PPP4R4: variants seen among roughly 807,000 people sequenced by gnomAD.
The protein encoded by PPP4R4 is serine/threonine-protein phosphatase 4 regulatory subunit 4.
A neutral mutation model predicts 121.8 loss-of-function variants in PPP4R4; 70 were observed. The ratio of observed to expected loss-of-function variants is 0.57; its 90% CI spans 0.47 to 0.70. The LOEUF is 0.70. Among genes scored for constraint, PPP4R4 ranks in the 30% least tolerant of loss-of-function variants. PPP4R4 has a pLI of 0.00. For synonymous variants in PPP4R4, 348 were observed against 355.7 expected (o/e 0.98, Z 0.24); for missense variants, 875 against 1,033.6 (o/e 0.85, Z 2.10).
At chr14:94,192,760 TCTC>T (rs1159412817) in intron 2 of PPP4R4, among the ~76,000 whole-genome samples, 1 of 152,200 alleles carries the variant, frequency 6.6e-6, no homozygotes, top group African/African-American at 2.4e-5. Flanking sequence ...CATCTGCTCA[TCTC>T]CTCTCTCTTG....
intron 2 of PPP4R4, among the ~76,000 whole-genome samples, chr14:94,197,039 G>A (rs142757376): frequency 1.2e-4 from 18 of 152,166 alleles, no homozygotes; most frequent in African/African-American, 4.1e-4. Flanking sequence ...GGGCTCTAGA[G>A]CTCCCTTTTT....
At chr14:94,218,464 C>T (rs1390383593) in intron 3 of PPP4R4, among the ~76,000 whole-genome samples, 1 of 117,544 alleles carries the variant, frequency 8.5e-6, no homozygotes, top group Non-Finnish European at 1.7e-5. Context: ...CTAGACACCG[C>T]ACGCGCGCAC....
intron 2 of PPP4R4, among the ~76,000 whole-genome samples, chr14:94,183,898 A>G (rs1889120187): frequency 6.6e-6 from 1 of 151,858 alleles, no homozygotes; most frequent in Non-Finnish European, 1.5e-5. Context: ...ATAAAATAAG[A>G]TAATATATAA....
At chr14:94,183,259 A>G (rs938713455) in intron 2 of PPP4R4, among the ~76,000 whole-genome samples, 2 of 152,130 alleles carry the variant, frequency 1.3e-5, no homozygotes, top group Non-Finnish European at 2.9e-5. Context: ...GGTCCTCATT[A>G]AAAAAATTGC....
intron 11 of PPP4R4, among the ~76,000 whole-genome samples, chr14:94,244,213 C>T (rs563176179): frequency 2.0e-5 from 3 of 152,160 alleles, no homozygotes; most frequent in South Asian, 4.1e-4. Context: ...ATAACTACCC[C>T]GACATCACTG....
In PPP4R4 at chr14:94,231,267, T is replaced by G. The variant is rs749975773; in HGVS notation, c.468T>G (p.Thr156=). ...DTGVSNAWLE[T]LLSVIEVLPK... is the part of the protein sequence containing the mutation. ...GTGTCAGCAATGCATGGCTGGAAAC[T>G]CTTCTGTCTGTTATAGAAGTATTGC... The change falls in exon 5 of 25, where the codon ACT becomes ACG. Residue 156 remains threonine, a synonymous_variant. Transcript: ENST00000304338. 8 of 1,612,510 alleles carry G rather than the reference T, an allele frequency of 5.0e-6. No individual in the cohort carries two copies. In the African/African-American group the frequency reaches 9.3e-5, roughly 19 times the overall value.
chr14:94,251,414 G>T (rs531704593), intron 15 of PPP4R4, among the ~76,000 whole-genome samples: 1 of 151,926 alleles, frequency 6.6e-6, no homozygotes, highest in Non-Finnish European at 1.5e-5. Flanking sequence ...TGCATCCCTT[G>T]GGCTGCTTTT....
intron 5 of PPP4R4, 75 bp from the exon 6 acceptor site, chr14:94,233,578 C>G (rs887841240): frequency 2.2e-6 from 2 of 906,668 alleles, no homozygotes; most frequent in African/African-American, 3.4e-5. Flanking sequence ...TTAAAATACT[C>G]TGAAGGAATA....
At chr14:94,205,966 A>C (rs1890433837) in intron 2 of PPP4R4, among the ~76,000 whole-genome samples, 1 of 152,054 alleles carries the variant, frequency 6.6e-6, no homozygotes, top group Non-Finnish European at 1.5e-5. Flanking sequence ...AGAGTGTTCT[A>C]TAAATGTCTA....
rs1894279272 is a variant in PPP4R4, at chr14:94,270,777, G to A, written c.2449+3748G>A. ...AACTAAAAATACAAAAATCAGCTGG[G>A]TGTGGTGGTGTGCACCTATGGTCCC... On this transcript the variant is annotated intron_variant, in intron 23 of 24. Coordinates refer to ENST00000304338, the MANE Select transcript of PPP4R4 (RefSeq NM_058237.2). Among the ~76,000 whole-genome samples, 4 of 152,026 alleles carry A rather than the reference G, an allele frequency of 2.6e-5. No individual in the cohort carries two copies. The South Asian group carries it at 8.3e-4, about 32-fold the overall frequency.
chr14:94,252,198 T>G (rs545258423), intron 16 of PPP4R4, among the ~76,000 whole-genome samples: 1 of 152,298 alleles, frequency 6.6e-6, no homozygotes, highest in African/African-American at 2.4e-5. Flanking sequence ...GTAGATGTTA[T>G]TAATTTATCT....
At chr14:94,218,432 G>GCACA (rs548042284) in intron 3 of PPP4R4, among the ~76,000 whole-genome samples, 3 of 79,518 alleles carry the variant, frequency 3.8e-5, no homozygotes, top group Non-Finnish European at 4.9e-5. Context: ...GCACGCGCGC[G>GCACA]CACACACACA....
At chr14:94,245,698 G>A (rs764688087) in intron 13 of PPP4R4, 28 bp downstream of exon 13, 3 of 1,479,702 alleles carry the variant, frequency 2.0e-6, no homozygotes, top group South Asian at 1.2e-5. Flanking sequence ...GAAACATTCT[G>A]AGTTGTGTAA....
At chr14:94,277,804 A>G (rs1894724252) in intron 24 of PPP4R4, among the ~76,000 whole-genome samples, 1 of 152,056 alleles carries the variant, frequency 6.6e-6, no homozygotes, top group African/African-American at 2.4e-5. Context: ...ATTTATATAT[A>G]TGTATAATTG....
chr14:94,203,584 A>G lies in PPP4R4; in HGVS notation c.192-4880A>G, dbSNP rs112759651. Among the ~76,000 whole-genome samples the G allele has an allele frequency of 8.0e-3, 1,217 of 152,328 alleles. 14 individuals are homozygous for G. Among genetic ancestry groups the G allele is most frequent in the African/African-American group, 0.028 (1,147 of 41,576 alleles). Reference sequence around the variant, plus strand: ...CTTTGGGATAAATGCCCCAGAGTACAATTGCTGGCTTGTATGGTGTTGCAT... The same window carrying G: ...CTTTGGGATAAATGCCCCAGAGTACGATTGCTGGCTTGTATGGTGTTGCAT... On this transcript the variant is annotated intron_variant, in intron 2 of 24. Transcript: ENST00000304338.
At chr14:94,224,030 A>T (rs1891558267) in intron 3 of PPP4R4, among the ~76,000 whole-genome samples, 1 of 152,164 alleles carries the variant, frequency 6.6e-6, no homozygotes, top group African/African-American at 2.4e-5. Context: ...AAGCTTCCTT[A>T]TTTTGTTGGT....
At chr14:94,271,629 T>C (rs1035191418) in intron 23 of PPP4R4, among the ~76,000 whole-genome samples, 1 of 152,166 alleles carries the variant, frequency 6.6e-6, no homozygotes, top group African/African-American at 2.4e-5. Context: ...ACCATTCCTT[T>C]TTACCATCAT....
At chr14:94,278,282 G>A (rs1213397662) in intron 24 of PPP4R4, among the ~76,000 whole-genome samples, 1 of 151,990 alleles carries the variant, frequency 6.6e-6, no homozygotes, top group Non-Finnish European at 1.5e-5. Context: ...GTCTTTTAAG[G>A]CAGTTCATAT....
At chr14:94,198,356 C>A (rs921547123) in intron 2 of PPP4R4, among the ~76,000 whole-genome samples, 1 of 152,062 alleles carries the variant, frequency 6.6e-6, no homozygotes, top group African/African-American at 2.4e-5. Context: ...GTGTTCAAAT[C>A]TTTTGTCTGC....
Sources: allele counts gnomAD v4.1 joint callset (sites outside exome capture counted in the v4.1 genomes callset), GRCh38; gene constraint gnomAD v4.1.1; transcripts MANE v1.5; gene names NCBI Gene and HGNC (gene_info 2026-07-23, HGNC 2026-07-21).